Variants in ITPR3 observed in about 807,000 individuals in gnomAD.
ITPR3 encodes the protein inositol 1,4,5-trisphosphate receptor type 3, also known as inositol 1,4,5-trisphosphate-gated calcium channel ITPR3.
ITPR3 carries 173 observed loss-of-function variants against 293.2 expected under a neutral mutation model. That is an observed-to-expected ratio of 0.59 (90% CI 0.52 to 0.67). The LOEUF (loss-of-function observed/expected upper bound fraction) is 0.67, where lower values mean the gene tolerates loss of function less well. Among genes scored for constraint, ITPR3 ranks in the 30% least tolerant of loss-of-function variants. The pLI is 0.00. For synonymous variants in ITPR3, 1,295 were observed against 1,444.4 expected (o/e 0.90, Z 2.35); for missense variants, 2,796 against 3,592.1 (o/e 0.78, Z 5.66).
chr6:33,677,359 C>T, intron 27 of ITPR3, 145 bp from the exon 28 acceptor site: 2 of 1,090,328 alleles, frequency 1.8e-6, no homozygotes, highest in South Asian at 1.6e-5. Context: ...GCTTCCCTAG[C>T]CTGTTGCAAG....
chr6:33,663,814 A>G lies in ITPR3; in HGVS notation c.1082A>G (p.Asn361Ser). The change falls in exon 11 of 58, where the codon AAT (asparagine) becomes AGT (serine). Residue 361 changes from asparagine (N) to serine (S), a missense_variant. This residue lies in a region of ITPR3 where 955 missense variants were observed against 1,180.8 expected (regional missense o/e 0.81). Coordinates refer to ENST00000605930, the MANE Select transcript of ITPR3 (RefSeq NM_002224.4). Reference protein sequence around the residue: ...KYCLVAVPHGNDIASLFELDP... With the variant: ...KYCLVAVPHGSDIASLFELDP... ...TGCCTGGTGGCTGTGCCTCATGGCAATGACATCGCCTCTCTCTTTGAGCTG... is the reference window on the plus strand; with the variant it reads ...TGCCTGGTGGCTGTGCCTCATGGCAGTGACATCGCCTCTCTCTTTGAGCTG... 4 of 1,614,054 alleles carry G rather than the reference A, an allele frequency of 2.5e-6. No individual in the cohort carries two copies. The highest frequency in any genetic ancestry group is 4.5e-5 in the East Asian group (2 of 44,868).
In ITPR3 at chr6:33,675,333, A is replaced by G. The variant is rs1055776916; in HGVS notation, c.3117-358A>G. Reference sequence around the variant, plus strand: ...GCTACTCAGGAGGCTGAAGCAGGAGAATCATTTGAATCCGGGAGGTGGAGG... The same window carrying G: ...GCTACTCAGGAGGCTGAAGCAGGAGGATCATTTGAATCCGGGAGGTGGAGG... On this transcript the variant is annotated intron_variant, in intron 24 of 57. Coordinates refer to ENST00000605930, the MANE Select transcript of ITPR3 (RefSeq NM_002224.4). This position sits in a 1 kb window ranked among gnomAD's most constrained non-coding sequence, Gnocchi z 5.0. Among the ~76,000 whole-genome samples the G allele has an allele frequency of 6.6e-6, 1 of 152,066 alleles. No homozygotes were observed. Among genetic ancestry groups the G allele is most frequent in the Non-Finnish European group, 1.5e-5 (1 of 68,008 alleles).
At position 33,687,375 on chromosome 6, in the gene ITPR3, A is replaced by AC; in HGVS notation, c.6177+52dup. 6.8e-7 allele frequency: 1 copy of AC among 1,467,174 alleles called. No individual in the cohort carries two copies. Among genetic ancestry groups the AC allele is most frequent in the Non-Finnish European group, 9.4e-7 (1 of 1,065,718 alleles). 90.9% of individuals were successfully genotyped at this position (1,467,174 alleles called of 1,614,324 possible). ...CGGCCATCACCCCCCTGGCCACCAT[A>AC]CCCCGCCCCAGCTGCCATCATCCCC... is the stretch of plus-strand genomic sequence containing the variant. On this transcript the variant is annotated intron_variant, in intron 45 of 57. Transcript: ENST00000605930. This position sits in a 1 kb window ranked among gnomAD's most constrained non-coding sequence, Gnocchi z 5.3.
At chr6:33,669,760 C>T (rs1764708306) in intron 18 of ITPR3, among the ~76,000 whole-genome samples, 1 of 152,226 alleles carries the variant, frequency 6.6e-6, no homozygotes, top group African/African-American at 2.4e-5. Context: ...GCTGGGGAAA[C>T]AGTGGCAGAG....
chr6:33,686,122 A>G lies in ITPR3; in HGVS notation c.5737A>G (p.Ile1913Val). The G allele has an allele frequency of 1.2e-6, 2 of 1,614,208 alleles. No individual in the cohort carries two copies. The highest frequency in any genetic ancestry group is 1.7e-6 in the Non-Finnish European group (2 of 1,180,044). ...LVCETLQFLD[I>V]MCGSTTGGLG... The stretch of plus-strand genomic sequence containing the variant: ...ATGCGAGACGCTGCAGTTCCTGGAC[A>G]TCATGTGCGGCAGCACCACGGGCGG... The change falls in exon 42 of 58, where the codon ATC (isoleucine) becomes GTC (valine). Residue 1913 changes from isoleucine (I) to valine (V), a missense_variant. Transcript: ENST00000605930.
In ITPR3 at chr6:33,621,731, G is replaced by C. The variant is rs1221927566; in HGVS notation, c.89+40G>C. The stretch of plus-strand genomic sequence containing the variant: ...CTCGAGAGGGGCGCGGGTAAAGAGG[G>C]GGCGCCGTGGGCCCTGGTGCCAGCT... On this transcript the variant is annotated intron_variant, in intron 1 of 57. Coordinates refer to ENST00000605930, the MANE Select transcript of ITPR3 (RefSeq NM_002224.4). The surrounding 1 kb of genome is among the most constrained non-coding windows in gnomAD (Gnocchi z 7.7). 11 of 1,473,752 alleles carry C rather than the reference G, an allele frequency of 7.5e-6. No homozygotes were observed. Among genetic ancestry groups the C allele is most frequent in the Non-Finnish European group, 1.0e-5 (11 of 1,072,714 alleles). The allele number at this position is 1,473,752 out of a possible 1,614,324, so 91.3% of individuals were successfully genotyped here. A position where few individuals can be genotyped will look rare whatever the true frequency, so the allele number is the denominator to read the frequency against.
At chr6:33,668,946 CCT>C in intron 17 of ITPR3, 26 bp from the exon 18 acceptor site, 1 of 1,609,130 alleles carries the variant, frequency 6.2e-7, no homozygotes, top group Non-Finnish European at 8.5e-7. Flanking sequence ...GACCTGGCTC[CCT>C]GTGACAGGTT....
In ITPR3 at chr6:33,630,015, C is replaced by T. The variant is rs536884329; in HGVS notation, c.89+8324C>T. Among the ~76,000 whole-genome samples, 31 of 152,074 alleles carry T rather than the reference C, an allele frequency of 2.0e-4. No homozygotes were observed. The South Asian group carries it at 3.5e-3, about 17-fold the overall frequency. On this transcript the variant is annotated intron_variant, in intron 1 of 57. Coordinates refer to ENST00000605930, the MANE Select transcript of ITPR3 (RefSeq NM_002224.4). Reference sequence around the variant, plus strand: ...CTGAGGCAGGAGAATCACTTGAACCCGGGAGGTGGGGGTTGCAGTGAGCTG... The same window carrying T: ...CTGAGGCAGGAGAATCACTTGAACCTGGGAGGTGGGGGTTGCAGTGAGCTG...
chr6:33,686,241 C>T lies in ITPR3; in HGVS notation c.5856C>T (p.Cys1952=). Residue 1952 remains cysteine, a synonymous_variant, in exon 42 of 58, where the codon TGC becomes TGT. Coordinates refer to ENST00000605930, the MANE Select transcript of ITPR3 (RefSeq NM_002224.4). ...TCACTGAGTACTGCCAGGGCCCCTG[C>T]CATGAGAACCAGGTGAGCTGTCCTG... The part of the protein sequence containing the change: ...ETLTEYCQGP[C]HENQTCIVTH... The T allele has an allele frequency of 6.2e-7, 1 of 1,613,558 alleles. No individual in the cohort carries two copies. Among genetic ancestry groups the T allele is most frequent in the Non-Finnish European group, 8.5e-7 (1 of 1,179,842 alleles).
chr6:33,665,038 C>T lies in ITPR3; in HGVS notation c.1249-15C>T. 6.2e-7 allele frequency: 1 copy of T among 1,613,652 alleles called. No homozygotes were observed. The highest frequency in any genetic ancestry group is 8.5e-7 in the Non-Finnish European group (1 of 1,179,996). ...AGCTTGTTCCCAGGTGCCCTGCTGA[C>T]CCCTGTCTCTGCAGCTGGGCACCTG... On this transcript the variant is annotated splice_polypyrimidine_tract_variant and intron_variant, in intron 12 of 57. Transcript: ENST00000605930.
In ITPR3 at chr6:33,671,224, G is replaced by T. The variant is rs1489245395; in HGVS notation, c.2646G>T (p.Leu882=). ...GCTTCTACAGCTTCAGCGAGCTGCT[G>T]CGGCTCACTCGCACACTGCTGGGCA... ...YFGFYSFSEL[L]RLTRTLLGII... The change falls in exon 21 of 58, where the codon CTG becomes CTT. Residue 882 remains leucine (L), a synonymous_variant. Transcript: ENST00000605930. 7.4e-6 allele frequency: 12 copies of T among 1,613,674 alleles called. No individual in the cohort carries two copies. The highest frequency in any genetic ancestry group is 3.3e-4 in the Middle Eastern group (2 of 6,084).
chr6:33,658,739 G>T lies in ITPR3; in HGVS notation c.439G>T (p.Ala147Ser). The change falls in exon 5 of 58, where the codon GCC becomes TCC. Residue 147 changes from alanine (A) to serine (S), a missense_variant. Ala to Ser is a moderately conservative substitution (Grantham distance 99). Transcript: ENST00000605930. The surrounding 1 kb of genome is among the most constrained non-coding windows in gnomAD (Gnocchi z 6.1). ...KRLPALLEKNAMRVTLDATGN... is the reference protein window; with the variant it reads ...KRLPALLEKNSMRVTLDATGN... ...GCTTCCGGCCTTGCTGGAGAAGAAC[G>T]CCATGCGGGTGACTCTGGATGCCAC... 1.2e-6 allele frequency: 2 copies of T among 1,614,184 alleles called. No homozygotes were observed. Among genetic ancestry groups the T allele is most frequent in the South Asian group, 1.1e-5 (1 of 91,084 alleles).
chr6:33,645,832 C>CT (rs938290510), intron 2 of ITPR3, among the ~76,000 whole-genome samples: 81 of 147,860 alleles, frequency 5.5e-4, no homozygotes, highest in Middle Eastern at 3.6e-3. Context: ...AAAATGTACT[C>CT]TTTTTTTTTT....
chr6:33,640,550 C>T lies in ITPR3; in HGVS notation c.156C>T (p.Phe52=). The change falls in exon 2 of 58, where the codon TTC becomes TTT. Residue 52 remains phenylalanine (F), a synonymous_variant. Coordinates refer to ENST00000605930, the MANE Select transcript of ITPR3 (RefSeq NM_002224.4). ...ACCTGGACAACCCCCCTAAGAAGTT[C>T]CGTGGTAAGACCTCCGCTTCCTCTG... The part of the protein sequence containing the change: ...AGDLDNPPKK[F]RDCLFKVCPM... 1 of 1,612,604 alleles carries T rather than the reference C, an allele frequency of 6.2e-7. No individual in the cohort carries two copies. The highest frequency in any genetic ancestry group is 8.5e-7 in the Non-Finnish European group (1 of 1,179,284).
At chr6:33,690,348 C>T (rs1266647375) in intron 51 of ITPR3, 150 bp downstream of exon 51, 3 of 833,568 alleles carry the variant, frequency 3.6e-6, no homozygotes, top group East Asian at 5.3e-5. Context: ...TCTTCATCTG[C>T]CTGACCCAAG....
intron 40 of ITPR3, 34 bp from the exon 41 acceptor site, chr6:33,685,609 G>A (rs1455475781): frequency 6.3e-7 from 1 of 1,585,478 alleles, no homozygotes; most frequent in Admixed American, 1.7e-5. Context: ...CCAAGGGGGT[G>A]GGCAGCTCCA....
chr6:33,688,647 C>G lies in ITPR3; in HGVS notation c.6569-9C>G. On this transcript the variant is annotated splice_polypyrimidine_tract_variant and intron_variant, in intron 48 of 57. Coordinates refer to ENST00000605930, the MANE Select transcript of ITPR3 (RefSeq NM_002224.4). Reference sequence around the variant, plus strand: ...CCCTCCAGCAGCTCACCGTTGCCCTCCTCTTCAGGCATGCCGCTGATCTAC... The same window carrying G: ...CCCTCCAGCAGCTCACCGTTGCCCTGCTCTTCAGGCATGCCGCTGATCTAC... 1 of 1,614,004 alleles carries G rather than the reference C, an allele frequency of 6.2e-7. No individual in the cohort carries two copies. Among genetic ancestry groups the G allele is most frequent in the Non-Finnish European group, 8.5e-7 (1 of 1,179,966 alleles).
intron 1 of ITPR3, among the ~76,000 whole-genome samples, chr6:33,625,916 C>G (rs1303613734): frequency 2.0e-5 from 3 of 152,128 alleles, no homozygotes; most frequent in African/African-American, 7.2e-5. Context: ...GTCTCATGTT[C>G]CATCACCAAC....
At position 33,683,328 on chromosome 6, in the gene ITPR3, G is replaced by T. The variant is rs746631398; in HGVS notation, c.4719G>T (p.Thr1573=). 1 of 1,594,270 alleles carries T rather than the reference G, an allele frequency of 6.3e-7. No homozygotes were observed. The highest frequency in any genetic ancestry group is 1.1e-5 in the South Asian group (1 of 87,784). Reference sequence around the variant, plus strand: ...ACGCCTCCAGCTACAAGGCAACCACGCGGGCCTTCCCCCGCGTCACCCCCA... The same window carrying T: ...ACGCCTCCAGCTACAAGGCAACCACTCGGGCCTTCCCCCGCGTCACCCCCA... The part of the protein sequence containing the change: ...QRNASSYKAT[T]RAFPRVTPTA... The change falls in exon 35 of 58, where the codon ACG becomes ACT. Residue 1573 remains threonine, a synonymous_variant. Coordinates refer to ENST00000605930, the MANE Select transcript of ITPR3 (RefSeq NM_002224.4). This position sits in a 1 kb window ranked among gnomAD's most constrained non-coding sequence, Gnocchi z 4.5.
Sources: allele counts gnomAD v4.1 joint callset (sites outside exome capture counted in the v4.1 genomes callset), GRCh38; gene constraint gnomAD v4.1.1; regional missense constraint gnomAD v4.1.1; non-coding constraint Gnocchi (gnomAD v3.1); transcripts MANE v1.5; gene names NCBI Gene and HGNC (gene_info 2026-07-23, HGNC 2026-07-21).